COMMD1: variants seen among roughly 807,000 people sequenced by gnomAD.
COMMD1 encodes the protein COMM domain-containing protein 1.
COMMD1 carries 10 observed loss-of-function variants against 17.2 expected under a neutral mutation model. The ratio of observed to expected loss-of-function variants is 0.58; its 90% confidence interval spans 0.36 to 0.99. The LOEUF (loss-of-function observed/expected upper bound fraction) is 0.99, where lower values mean the gene tolerates loss of function less well. Among genes scored for constraint, COMMD1 ranks in the 50% least tolerant of loss-of-function variants. The pLI is 0.01. For missense variants in COMMD1, 270 were observed against 231.8 expected, an observed-to-expected ratio of 1.17 and a Z score of -1.07; for synonymous variants, 97 against 91.6, an observed-to-expected ratio of 1.06 and a Z score of -0.34.
rs536344293 is a variant in COMMD1, at chr2:61,898,161, A to G, written n.119+9319A>G. Reference sequence around the variant, plus strand: ...TCTGTATCTCCTGGAGCCAAGAAGAATGGATTGCAAATGCTCTCAACTAAT... The same window carrying G: ...TCTGTATCTCCTGGAGCCAAGAAGAGTGGATTGCAAATGCTCTCAACTAAT... On this transcript the variant is annotated intron_variant and non_coding_transcript_variant, in intron 1 of 2. Transcript: ENST00000472729. Among the ~76,000 whole-genome samples the G allele has an allele frequency of 2.0e-5, 3 of 152,326 alleles. No individual in the cohort carries two copies. In the South Asian group the frequency reaches 6.2e-4, roughly 32 times the overall value.
intron 1 of COMMD1, among the ~76,000 whole-genome samples, chr2:61,917,598 G>C: frequency 6.6e-6 from 1 of 151,944 alleles, no homozygotes; most frequent in Non-Finnish European, 1.5e-5. Flanking sequence ...CGTGATCTCG[G>C]CTCACTGCAA....
chr2:62,068,198 T>C (rs886254664), intron 2 of COMMD1, among the ~76,000 whole-genome samples: 2 of 152,200 alleles, frequency 1.3e-5, no homozygotes, highest in Non-Finnish European at 2.9e-5. Context: ...AAGGATATAT[T>C]TCTTTCAAGA....
intron 2 of COMMD1, among the ~76,000 whole-genome samples, chr2:62,085,221 A>ATTTTTTTTTTTTTT (rs36006181): frequency 7.6e-5 from 11 of 144,454 alleles, no homozygotes; most frequent in Admixed American, 2.1e-4. Flanking sequence ...TACAGTTTGA[A>ATTTTTTTTTTTTTT]TTTTTTTTTT....
intron 2 of COMMD1, among the ~76,000 whole-genome samples, chr2:62,006,298 T>C (rs1669117701): frequency 6.6e-6 from 1 of 151,364 alleles, no homozygotes. Context: ...TATATATATG[T>C]AACTAACCTA....
At chr2:61,975,108 T>C (rs1671758852) in intron 1 of COMMD1, among the ~76,000 whole-genome samples, 1 of 141,050 alleles carries the variant, frequency 7.1e-6, no homozygotes, top group Non-Finnish European at 1.5e-5. Context: ...GCTCGATAGC[T>C]CATTTCTTTC....
At chr2:61,889,981 G>A (rs937879660) in intron 1 of COMMD1, among the ~76,000 whole-genome samples, 4 of 152,172 alleles carry the variant, frequency 2.6e-5, no homozygotes, top group African/African-American at 7.2e-5. Context: ...GGGTAAACGA[G>A]TCAGTAGATA....
chr2:62,108,985 A>G (rs939235164), intron 2 of COMMD1, among the ~76,000 whole-genome samples: 1 of 152,192 alleles, frequency 6.6e-6, no homozygotes, highest in African/African-American at 2.4e-5. Flanking sequence ...CTTCAGTCCT[A>G]CCACTCCTTA....
intron 2 of COMMD1, among the ~76,000 whole-genome samples, chr2:62,096,249 A>C (rs1030914699): frequency 6.6e-6 from 1 of 152,162 alleles, no homozygotes; most frequent in Non-Finnish European, 1.5e-5. Context: ...ATTGACTGTT[A>C]CTCTTCTCCA....
At chr2:62,062,934 G>A (rs1670907461) in intron 2 of COMMD1, among the ~76,000 whole-genome samples, 1 of 151,688 alleles carries the variant, frequency 6.6e-6, no homozygotes, top group Non-Finnish European at 1.5e-5. Flanking sequence ...ATATTAGTAG[G>A]CTGGCCAGGC....
intron 1 of COMMD1, among the ~76,000 whole-genome samples, chr2:61,992,666 A>G (rs1672280983): frequency 6.6e-6 from 1 of 152,204 alleles, no homozygotes; most frequent in African/African-American, 2.4e-5. Flanking sequence ...TCCCTAGCTC[A>G]TGCTCACTTA....
intron 2 of COMMD1, among the ~76,000 whole-genome samples, chr2:62,034,365 T>C (rs535235588): frequency 6.6e-6 from 1 of 152,104 alleles, no homozygotes; most frequent in South Asian, 2.1e-4. Flanking sequence ...CCAGGCGTGG[T>C]GGCAGGCACC....
At chr2:61,951,059 G>A (rs979677068) in intron 1 of COMMD1, among the ~76,000 whole-genome samples, 9 of 152,270 alleles carry the variant, frequency 5.9e-5, no homozygotes, top group East Asian at 3.9e-4. Context: ...GCTGCCAATG[G>A]CAATGGGCAG....
intron 2 of COMMD1, among the ~76,000 whole-genome samples, chr2:62,080,664 C>T (rs1309368961): frequency 1.3e-5 from 2 of 152,090 alleles, no homozygotes; most frequent in African/African-American, 2.4e-5. Flanking sequence ...CTGAAAAATA[C>T]AAAAATATAC....
chr2:61,952,784 A>C (rs1357124118), intron 1 of COMMD1, among the ~76,000 whole-genome samples: 1 of 152,234 alleles, frequency 6.6e-6, no homozygotes, highest in Non-Finnish European at 1.5e-5. Flanking sequence ...GTGGGCAGGA[A>C]GGACCCACTG....
chr2:62,093,685 C>T (rs1173055860), intron 2 of COMMD1, among the ~76,000 whole-genome samples: 1 of 152,128 alleles, frequency 6.6e-6, no homozygotes, highest in Non-Finnish European at 1.5e-5. Flanking sequence ...TTTTGCTTCT[C>T]GAGTGTTATC....
intron 2 of COMMD1, chr2:62,090,617 G>A (rs769239358): frequency 2.0e-5 from 3 of 152,174 alleles, no homozygotes; most frequent in Non-Finnish European, 2.9e-5. Context: ...AAGAGAAAAG[G>A]AAGTTTTGTT....
rs1359662032 is a variant in COMMD1 at position 61,989,006 on chromosome 2, A to C, written c.181-11695A>C. On this transcript the variant is annotated intron_variant, in intron 1 of 2. Coordinates refer to ENST00000311832, the MANE Select transcript of COMMD1 (RefSeq NM_152516.4). Reference sequence around the variant, plus strand: ...AGATTCTCTCTACTTGGCTGCTGCTAGCGGATGGGGGAAGGGTGGTGTCGG... The same window carrying C: ...AGATTCTCTCTACTTGGCTGCTGCTCGCGGATGGGGGAAGGGTGGTGTCGG... 1.3e-5 allele frequency among the ~76,000 whole-genome samples: 2 copies of C among 152,162 alleles called. 1 individual carries two copies. The highest frequency in any genetic ancestry group is 2.9e-5 in the Non-Finnish European group (2 of 68,030).
chr2:62,051,707 A>G (rs534289859), intron 2 of COMMD1, among the ~76,000 whole-genome samples: 5 of 152,340 alleles, frequency 3.3e-5, no homozygotes, highest in African/African-American at 1.2e-4. Flanking sequence ...TAGTTATATC[A>G]TAATCGGTTC....
intron 2 of COMMD1, among the ~76,000 whole-genome samples, chr2:62,001,869 C>T (rs538991323): frequency 5.9e-5 from 9 of 152,244 alleles, no homozygotes; most frequent in African/African-American, 1.9e-4. Flanking sequence ...TAATTCAGGG[C>T]CTGGCACAGT....
Sources: allele counts gnomAD v4.1 joint callset (sites outside exome capture counted in the v4.1 genomes callset), GRCh38; gene constraint gnomAD v4.1.1; transcripts MANE v1.5; gene names NCBI Gene and HGNC (gene_info 2026-07-23, HGNC 2026-07-21).